The following DGKG variants were observed in gnomAD, a reference collection of about 807,000 sequenced individuals.
DGKG encodes diacylglycerol kinase gamma.
In DGKG, 78 loss-of-function variants were observed where a neutral mutation model predicts 105.3. The observed-to-expected ratio is 0.74, with a 90% CI of 0.62 to 0.89. The LOEUF is 0.89. DGKG is among the 40% of genes least tolerant of loss of function. DGKG has a pLI of 0.00. For missense variants in DGKG, 958 were observed against 1,020.1 expected, an observed-to-expected ratio of 0.94 and a Z score of 0.83; for synonymous variants, 346 against 367.1, an observed-to-expected ratio of 0.94 and a Z score of 0.66.
Position 186,267,800 on chromosome 3 carries a change from G to A in DGKG, c.1117-23C>T, listed in dbSNP as rs745308056. On this transcript the variant is annotated intron_variant, in intron 12 of 24. Transcript: ENST00000265022. ...AAACTGGGGGGAGAAATGAAAAAGAGAGTGAGTGAAAGTGAGCAAAGAAAC... is the reference window on the plus strand; with the variant it reads ...AAACTGGGGGGAGAAATGAAAAAGAAAGTGAGTGAAAGTGAGCAAAGAAAC... 8.1e-6 allele frequency: 13 copies of A among 1,607,572 alleles called. No individual in the cohort carries two copies. The East Asian group carries it at 2.7e-4, about 33-fold the overall frequency.
intron 1 of DGKG, among the ~76,000 whole-genome samples, chr3:186,341,581 T>A (rs1726087131): frequency 6.6e-6 from 1 of 152,216 alleles, no homozygotes; most frequent in Non-Finnish European, 1.5e-5. Context: ...GGAAGGTACC[T>A]GGTGACACGT....
intron 24 of DGKG, 170 bp downstream of exon 24, chr3:186,161,433 A>T: frequency 6.9e-7 from 1 of 1,441,040 alleles, no homozygotes; most frequent in Non-Finnish European, 9.1e-7. Flanking sequence ...TTTCATTAAG[A>T]GTTGCCAGGT....
Position 186,353,571 on chromosome 3 carries a change from A to G in DGKG, c.-249+8375T>C, listed in dbSNP as rs1194753625. Among the ~76,000 whole-genome samples the G allele has an allele frequency of 1.7e-3, 236 of 138,650 alleles. 3 individuals are homozygous for G. The highest frequency in any genetic ancestry group is 5.0e-3 in the African/African-American group (191 of 38,044). The allele number at this position is 138,650 out of a possible 152,430, so 91.0% of individuals were successfully genotyped here. A position where few individuals can be genotyped will look rare whatever the true frequency, so the allele number is the denominator to read the frequency against. On this transcript the variant is annotated intron_variant, in intron 1 of 24. Coordinates refer to ENST00000265022, the MANE Select transcript of DGKG (RefSeq NM_001346.3). ...TATATATACTTTTATGTATGTATAT[A>G]TATATATATATATATATATACACAC...
At position 186,210,570 on chromosome 3, in the gene DGKG, T is replaced by C; in HGVS notation, c.1917+1225A>G. 2.2e-6 allele frequency: 1 copy of C among 453,564 alleles called. No homozygotes were observed. Among genetic ancestry groups the C allele is most frequent in the Non-Finnish European group, 4.4e-6 (1 of 226,480 alleles). The allele number at this position is 453,564 out of a possible 1,614,324, so 28.1% of individuals were successfully genotyped here. ...AGGAGAGGCAGGCAGATGAGTCAAATGCAGCCGCACAGAACCTCTGGCTTC... is the reference window on the plus strand; with the variant it reads ...AGGAGAGGCAGGCAGATGAGTCAAACGCAGCCGCACAGAACCTCTGGCTTC... On this transcript the variant is annotated intron_variant, in intron 21 of 24. Coordinates refer to ENST00000265022, the MANE Select transcript of DGKG (RefSeq NM_001346.3). This position sits in a 1 kb window ranked among gnomAD's most constrained non-coding sequence, Gnocchi z 5.2.
chr3:186,300,891 G>T (rs137960942), intron 3 of DGKG, among the ~76,000 whole-genome samples: 14 of 152,308 alleles, frequency 9.2e-5, no homozygotes, highest in Non-Finnish European at 1.6e-4. Flanking sequence ...TTTCCAATCT[G>T]TTTCTTCTTC....
chr3:186,304,168 C>T (rs879325437), intron 3 of DGKG, among the ~76,000 whole-genome samples: 2 of 152,250 alleles, frequency 1.3e-5, no homozygotes, highest in Non-Finnish European at 2.9e-5. Context: ...CAAACTGTTC[C>T]TCTCCCACTC....
intron 15 of DGKG, 26 bp downstream of exon 15, chr3:186,261,673 C>T (rs1237568423): frequency 4.5e-6 from 7 of 1,551,550 alleles, no homozygotes; most frequent in Non-Finnish European, 6.2e-6. Context: ...CCTAGTTGCT[C>T]CACTTTGAAA....
intron 20 of DGKG, among the ~76,000 whole-genome samples, chr3:186,234,738 A>G (rs962960919): frequency 6.6e-6 from 1 of 152,214 alleles, no homozygotes; most frequent in Non-Finnish European, 1.5e-5. Context: ...GCTGTGTAAC[A>G]GTCTGAGAGG....
At chr3:186,259,115 G>A (rs919199503) in intron 16 of DGKG, among the ~76,000 whole-genome samples, 2 of 149,106 alleles carry the variant, frequency 1.3e-5, no homozygotes, top group Non-Finnish European at 3.0e-5. Context: ...GGGACTCTCC[G>A]ACGGGAAGTG....
intron 1 of DGKG, among the ~76,000 whole-genome samples, chr3:186,326,447 A>ATCTCTCTC (rs60832383): frequency 7.2e-6 from 1 of 138,998 alleles, no homozygotes; most frequent in African/African-American, 2.6e-5. Context: ...CACACCCCTC[A>ATCTCTCTC]TCTCTCTCTC....
At chr3:186,205,555 C>T (rs1437214124) in intron 21 of DGKG, among the ~76,000 whole-genome samples, 4 of 151,962 alleles carry the variant, frequency 2.6e-5, no homozygotes, top group African/African-American at 9.7e-5. Context: ...ACTAAAAATA[C>T]AAAAATTAAC....
At chr3:186,332,586 A>T (rs936814922) in intron 1 of DGKG, among the ~76,000 whole-genome samples, 2 of 152,092 alleles carry the variant, frequency 1.3e-5, no homozygotes, top group African/African-American at 4.8e-5. Context: ...GGAATTAGAG[A>T]CCAGAATTCA....
chr3:186,242,453 C>T, intron 20 of DGKG, 51 bp downstream of exon 20: 1 of 1,512,626 alleles, frequency 6.6e-7, no homozygotes, highest in South Asian at 1.2e-5. Context: ...GGCCTCTGTT[C>T]CGCCAGGGCC....
intron 22 of DGKG, among the ~76,000 whole-genome samples, chr3:186,175,391 G>A (rs1027107231): frequency 6.6e-6 from 1 of 152,176 alleles, no homozygotes; most frequent in African/African-American, 2.4e-5. Context: ...CGGGAAAAAT[G>A]TGTCCTCCAT....
rs552357282 is a variant in DGKG, at chr3:186,211,961, T to A, written c.1827-76A>T. On this transcript the variant is annotated intron_variant, in intron 20 of 24. Coordinates refer to ENST00000265022, the MANE Select transcript of DGKG (RefSeq NM_001346.3). Reference sequence around the variant, plus strand: ...ATGTAAAATAGCTATGTTCTTTGGATTGGGAGGCCCAAGCCTTCAGCAATT... The same window carrying A: ...ATGTAAAATAGCTATGTTCTTTGGAATGGGAGGCCCAAGCCTTCAGCAATT... 1.3e-5 allele frequency: 16 copies of A among 1,206,384 alleles called. No homozygotes were observed. The African/African-American group carries it at 1.8e-4, about 14-fold the overall frequency. The allele number at this position is 1,206,384 out of a possible 1,614,324, so 74.7% of individuals were successfully genotyped here.
chr3:186,246,560 T>C (rs1387719395), intron 19 of DGKG, among the ~76,000 whole-genome samples: 12 of 152,150 alleles, frequency 7.9e-5, no homozygotes, highest in Non-Finnish European at 1.0e-4. Context: ...ACAGATTATT[T>C]GAAATTGGGG....
intron 22 of DGKG, 110 bp from the exon 23 acceptor site, chr3:186,165,128 C>G: frequency 1.7e-6 from 2 of 1,168,290 alleles, no homozygotes; most frequent in South Asian, 3.3e-5. Context: ...CCCTTCATCT[C>G]CCACCAAACA....
intron 5 of DGKG, among the ~76,000 whole-genome samples, chr3:186,297,068 T>TCTCTCTCTCTCACACACACACACACACA (rs1452573661): frequency 6.9e-5 from 9 of 130,506 alleles, no homozygotes; most frequent in African/African-American, 2.6e-4. Context: ...TCTGTCTCTC[T>TCTCTCTCTCTCACACACACACACACACA]CACACACACA....
At chr3:186,245,809 C>T (rs1234867131) in intron 19 of DGKG, among the ~76,000 whole-genome samples, 1 of 151,984 alleles carries the variant, frequency 6.6e-6, no homozygotes, top group Admixed American at 6.5e-5. Flanking sequence ...ATTGGAGTAT[C>T]TAGGCCAGTG....
Sources: allele counts gnomAD v4.1 joint callset (sites outside exome capture counted in the v4.1 genomes callset), GRCh38; gene constraint gnomAD v4.1.1; non-coding constraint Gnocchi (gnomAD v3.1); transcripts MANE v1.5; gene names NCBI Gene and HGNC (gene_info 2026-07-23, HGNC 2026-07-21).